LIMS1: variants seen among roughly 807,000 people sequenced by gnomAD.
LIMS1 encodes the protein LIM zinc finger domain containing 1, also known as LIM and senescent cell antigen-like-containing domain protein 1.
In LIMS1, 18 loss-of-function variants were observed where a neutral mutation model predicts 44.1. That is an observed-to-expected ratio of 0.41 (90% CI 0.28 to 0.61). LIMS1 has a LOEUF of 0.61. Ranked by LOEUF, LIMS1 falls within the 20% of genes least tolerant of loss-of-function variation. The pLI, the probability that LIMS1 is intolerant of heterozygous loss-of-function variation, is 0.32. For synonymous variants in LIMS1, 93 were observed against 149.1 expected (o/e 0.62, Z 2.74); for missense variants, 201 against 422.0 (o/e 0.48, Z 4.59).
chr2:108,623,344 A>G (rs746981257), intron 1 of LIMS1, among the ~76,000 whole-genome samples: 17 of 152,120 alleles, frequency 1.1e-4, no homozygotes, highest in Non-Finnish European at 2.4e-4. Flanking sequence ...AGTTAGGTAC[A>G]CCAGAGTTTC....
At chr2:108,559,986 G>A (rs1346152238) in intron 1 of LIMS1, among the ~76,000 whole-genome samples, 2 of 143,642 alleles carry the variant, frequency 1.4e-5, no homozygotes, top group Admixed American at 1.4e-4. Context: ...TTCTCCCCAC[G>A]TTGGAGCATC....
At chr2:108,569,764 C>CTTTTTTTTTTTTTTTTTTTTTTT (rs10596766) in intron 1 of LIMS1, among the ~76,000 whole-genome samples, 2 of 113,098 alleles carry the variant, frequency 1.8e-5, no homozygotes, top group African/African-American at 6.9e-5. Context: ...CCATATCTGG[C>CTTTTTTTTTTTTTTTTTTTTTTT]TTTTTTTTTT....
At chr2:108,610,735 A>G (rs1193523570) in intron 1 of LIMS1, among the ~76,000 whole-genome samples, 1 of 152,230 alleles carries the variant, frequency 6.6e-6, no homozygotes, top group Admixed American at 6.5e-5. Flanking sequence ...CATTTGATTG[A>G]TATGTCTGTT....
chr2:108,583,992 C>T (rs1174872218), intron 1 of LIMS1, among the ~76,000 whole-genome samples: 2 of 152,066 alleles, frequency 1.3e-5, no homozygotes, highest in Non-Finnish European at 2.9e-5. Context: ...CTGCACCTGG[C>T]TGTTGTTGCT....
intron 1 of LIMS1, among the ~76,000 whole-genome samples, chr2:108,598,329 G>A (rs1414414707): frequency 1.3e-5 from 2 of 152,304 alleles, no homozygotes; most frequent in African/African-American, 4.8e-5. Context: ...CACCTGGTAT[G>A]TCTTAGATGT....
intron 1 of LIMS1, among the ~76,000 whole-genome samples, chr2:108,552,299 CGT>C (rs1684776932): frequency 3.9e-5 from 5 of 127,618 alleles, no homozygotes; most frequent in Admixed American, 8.2e-5. Context: ...ATATACTATA[CGT>C]GTAGTATATA....
chr2:108,558,327 C>G (rs557809823), intron 1 of LIMS1, among the ~76,000 whole-genome samples: 137 of 151,940 alleles, frequency 9.0e-4, no homozygotes, highest in African/African-American at 3.3e-3. Flanking sequence ...ACGCCATTCT[C>G]CTGCCTCAAA....
At chr2:108,590,658 A>T (rs1686337716) in intron 1 of LIMS1, among the ~76,000 whole-genome samples, 1 of 152,226 alleles carries the variant, frequency 6.6e-6, no homozygotes, top group Non-Finnish European at 1.5e-5. Context: ...TTGACAAATG[A>T]TGGAAAAGAG....
At chr2:108,686,987 G>A (rs1012635030) in exon 10 of LIMS1, 16 of 152,098 alleles carry the variant, frequency 1.1e-4, no homozygotes, top group African/African-American at 2.7e-4. Context: ...AGGAACAATG[G>A]GTACAAGTAA....
chr2:108,574,410 G>C (rs1226711578), intron 1 of LIMS1, among the ~76,000 whole-genome samples: 1 of 152,116 alleles, frequency 6.6e-6, no homozygotes, highest in Non-Finnish European at 1.5e-5. Context: ...CATTTGCTGG[G>C]GCTTTTTTCT....
chr2:108,585,931 T>C (rs112535492), intron 1 of LIMS1, among the ~76,000 whole-genome samples: 26 of 152,224 alleles, frequency 1.7e-4, no homozygotes, highest in African/African-American at 5.1e-4. Flanking sequence ...TGGTGGCTCA[T>C]GCCTGTAATC....
chr2:108,589,176 C>T (rs1449611270), intron 1 of LIMS1, among the ~76,000 whole-genome samples: 2 of 150,620 alleles, frequency 1.3e-5, no homozygotes, highest in African/African-American at 2.4e-5. Context: ...ACATGTAAAA[C>T]GCTGTTTAAA....
At chr2:108,597,198 C>T (rs112898754) in intron 1 of LIMS1, among the ~76,000 whole-genome samples, 40 of 151,956 alleles carry the variant, frequency 2.6e-4, no homozygotes, top group South Asian at 1.3e-3. Flanking sequence ...TGTGAGCCAC[C>T]GTGCTTGGTC....
At chr2:108,618,688 G>A (rs1249784743) in intron 1 of LIMS1, among the ~76,000 whole-genome samples, 1 of 152,092 alleles carries the variant, frequency 6.6e-6, no homozygotes, top group Non-Finnish European at 1.5e-5. Flanking sequence ...AGCCAGGCGT[G>A]GTTGCGCGTG....
intron 8 of LIMS1, among the ~76,000 whole-genome samples, chr2:108,680,141 C>T (rs1268801964): frequency 1.3e-5 from 2 of 151,816 alleles, no homozygotes; most frequent in African/African-American, 2.4e-5. Flanking sequence ...GAGGCCAAGA[C>T]GGGCGGATCA....
At chr2:108,564,267 T>C (rs1473117386) in intron 1 of LIMS1, among the ~76,000 whole-genome samples, 1 of 152,168 alleles carries the variant, frequency 6.6e-6, no homozygotes, top group East Asian at 1.9e-4. Context: ...TCTGTACTTC[T>C]TTTTAGACAT....
intron 1 of LIMS1, among the ~76,000 whole-genome samples, chr2:108,641,825 T>G (rs1416063092): frequency 2.0e-5 from 3 of 152,242 alleles, no homozygotes; most frequent in Non-Finnish European, 4.4e-5. Context: ...AAACTTTGTC[T>G]GTTTTCTCAC....
chr2:108,572,465 C>T (rs1467029073), intron 1 of LIMS1, among the ~76,000 whole-genome samples: 1 of 150,228 alleles, frequency 6.7e-6, no homozygotes, highest in African/African-American at 2.5e-5. Context: ...TCACTGCAAC[C>T]TCTGCCTCCC....
chr2:108,645,448 C>T (rs999075221), intron 1 of LIMS1, among the ~76,000 whole-genome samples: 1 of 152,042 alleles, frequency 6.6e-6, no homozygotes, highest in East Asian at 1.9e-4. Context: ...AATGCTGAGA[C>T]AGTTTGTCAC....
Sources: allele counts gnomAD v4.1 joint callset (sites outside exome capture counted in the v4.1 genomes callset), GRCh38; gene constraint gnomAD v4.1.1; transcripts MANE v1.5; gene names NCBI Gene and HGNC (gene_info 2026-07-23, HGNC 2026-07-21).